The following XPNPEP3 variants were observed in gnomAD, a reference collection of about 807,000 sequenced individuals.
XPNPEP3 encodes X-prolyl aminopeptidase 3.
A neutral mutation model predicts 60.0 loss-of-function variants in XPNPEP3; 41 were observed. That is an observed-to-expected ratio of 0.68 (90% CI 0.53 to 0.89). The LOEUF (loss-of-function observed/expected upper bound fraction) is 0.89. XPNPEP3 is among the 40% of genes least tolerant of loss of function. The probability of loss-of-function intolerance (pLI) is 0.00; values close to 1 mark genes in which losing one functional copy is unlikely to be tolerated. For missense variants in XPNPEP3, 598 were observed against 638.9 expected (o/e 0.94, Z 0.69); for synonymous variants, 212 against 223.2 (o/e 0.95, Z 0.45).
At chr22:40,921,977 C>CT (rs931884267) in intron 7 of XPNPEP3, among the ~76,000 whole-genome samples, 5 of 149,702 alleles carry the variant, frequency 3.3e-5, no homozygotes, top group Non-Finnish European at 7.4e-5. Flanking sequence ...GCTTTCTTGC[C>CT]TTTTTTTTTA....
chr22:40,868,125 A>C (rs1034808890), intron 1 of XPNPEP3, among the ~76,000 whole-genome samples: 8 of 152,304 alleles, frequency 5.3e-5, no homozygotes, highest in African/African-American at 1.9e-4. Context: ...ATGTGCAAAG[A>C]ATTTTTTAAT....
intron 1 of XPNPEP3, among the ~76,000 whole-genome samples, chr22:40,864,938 C>G (rs1259014908): frequency 1.3e-5 from 2 of 152,166 alleles, no homozygotes; most frequent in East Asian, 3.8e-4. Context: ...GCCTCTGACA[C>G]TATGATACAG....
rs562177135 is a variant in XPNPEP3, at chr22:40,857,305, C to T, written c.64+60C>T. The T allele has an allele frequency of 9.8e-5, 156 of 1,590,500 alleles. 5 individuals are homozygous for T. In the South Asian group the frequency reaches 1.7e-3, roughly 18 times the overall value. ...GTCCCCTGGAGGGACCCAAGTTGGT[C>T]TCAGGCGATCCCTGGTTCGGCTGAC... On this transcript the variant is annotated intron_variant, in intron 1 of 9. Coordinates refer to ENST00000357137, the MANE Select transcript of XPNPEP3 (RefSeq NM_022098.4).
chr22:40,881,150 A>G (rs1254818004), intron 2 of XPNPEP3, among the ~76,000 whole-genome samples: 2 of 151,762 alleles, frequency 1.3e-5, no homozygotes, highest in Non-Finnish European at 2.9e-5. Flanking sequence ...GGTTCAAGCG[A>G]TTCTCCTGCC....
intron 2 of XPNPEP3, among the ~76,000 whole-genome samples, chr22:40,873,740 T>A (rs530499677): frequency 6.6e-6 from 1 of 152,162 alleles, no homozygotes; most frequent in African/African-American, 2.4e-5. Context: ...AAGGCTGCAG[T>A]CAGCTGAGAT....
At position 40,902,071 on chromosome 22, in the gene XPNPEP3, C is replaced by CTTTTTTT. The variant is rs748080226; in HGVS notation, c.793-5503_793-5497dup. On this transcript the variant is annotated intron_variant, in intron 4 of 9. Transcript: ENST00000357137. ...TTCTAAACATTCCTTACTTTTCCTT[C>CTTTTTTT]TTTTTTTTTTTTTTTTTTTGAGATG... 1.2e-3 allele frequency among the ~76,000 whole-genome samples: 154 copies of CTTTTTTT among 127,612 alleles called. 9 individuals carry two copies. Among genetic ancestry groups the CTTTTTTT allele is most frequent in the African/African-American group, 4.7e-3 (150 of 31,660 alleles). The allele number at this position is 127,612 out of a possible 152,430, so 83.7% of individuals were successfully genotyped here.
Position 40,928,984 on chromosome 22 carries a change from C to G in XPNPEP3, c.*2549C>G, listed in dbSNP as rs535637957. On this transcript the variant is annotated 3_prime_UTR_variant, in exon 10 of 10. Coordinates refer to ENST00000357137, the MANE Select transcript of XPNPEP3 (RefSeq NM_022098.4). Reference sequence around the variant, plus strand: ...GAGGCTGCACAGCTGGAGTCTCCATCCCCCATACCCACCTTCCCACCTCCC... The same window carrying G: ...GAGGCTGCACAGCTGGAGTCTCCATGCCCCATACCCACCTTCCCACCTCCC... The G allele has an allele frequency of 6.6e-6, 1 of 152,126 alleles. No homozygotes were observed. The highest frequency in any genetic ancestry group is 2.1e-4 in the South Asian group (1 of 4,834). The allele number at this position is 152,126 out of a possible 1,614,324, so 9.4% of individuals were successfully genotyped here. A position where few individuals can be genotyped will look rare whatever the true frequency, so the allele number is the denominator to read the frequency against.
chr22:40,916,221 A>G (rs2058195549), intron 7 of XPNPEP3, among the ~76,000 whole-genome samples: 1 of 151,734 alleles, frequency 6.6e-6, no homozygotes, highest in Admixed American at 6.6e-5. Context: ...GAACCGGGAA[A>G]GGGGAGGTTG....
At chr22:40,897,910 T>A (rs1486917036) in intron 4 of XPNPEP3, among the ~76,000 whole-genome samples, 18 of 152,184 alleles carry the variant, frequency 1.2e-4, no homozygotes. Flanking sequence ...GTTCAGTTCC[T>A]TTGCCCATTT....
chr22:40,862,573 A>G, intron 1 of XPNPEP3: 1 of 985,484 alleles, frequency 1.0e-6, no homozygotes, highest in Non-Finnish European at 1.2e-6. Flanking sequence ...TGATGAGAGG[A>G]AGTACTGGAT....
intron 6 of XPNPEP3, among the ~76,000 whole-genome samples, chr22:40,910,993 C>T (rs887488257): frequency 7.2e-5 from 11 of 152,094 alleles, no homozygotes; most frequent in Admixed American, 3.9e-4. Flanking sequence ...GGTGACAGAG[C>T]GAGACTCCGT....
intron 1 of XPNPEP3, among the ~76,000 whole-genome samples, chr22:40,865,580 G>A (rs1008856278): frequency 1.3e-5 from 2 of 151,366 alleles, no homozygotes; most frequent in African/African-American, 4.9e-5. Flanking sequence ...CACTTGCCTC[G>A]GCCTCCCAAA....
At chr22:40,867,319 C>T (rs562506394) in intron 1 of XPNPEP3, among the ~76,000 whole-genome samples, 2 of 152,234 alleles carry the variant, frequency 1.3e-5, no homozygotes, top group South Asian at 2.1e-4. Context: ...TCCCCCTTGC[C>T]GCTCACTAGG....
rs138353 is a variant in XPNPEP3, at chr22:40,873,098, CTTTTTTTTTTT to C, written c.181+3998_181+4008del. On this transcript the variant is annotated intron_variant, in intron 2 of 9. Transcript: ENST00000357137. ...TTGTTTTCTTTTTCTTTTTCTTTTT[CTTTTTTTTTTT>C]TTTTTTTTTTTTTTGAGACAGAGTC... Among the ~76,000 whole-genome samples the C allele has an allele frequency of 1.8e-4, 16 of 88,504 alleles. No individual in the cohort carries two copies. In the Admixed American group the frequency reaches 2.3e-3, roughly 13 times the overall value. 58.1% of individuals were successfully genotyped at this position (88,504 alleles called of 152,430 possible).
rs765730340 is a variant in XPNPEP3 at position 40,861,559 on chromosome 22, T to C, written c.64+4314T>C. On this transcript the variant is annotated intron_variant, in intron 1 of 9. Transcript: ENST00000357137. ...TCATATGAAGAAAATTTCTCAAAAA[T>C]TGGATATTCACTGGCAGTGGAGAAA... The C allele has an allele frequency of 1.2e-6, 2 of 1,613,474 alleles. No homozygotes were observed. The highest frequency in any genetic ancestry group is 1.7e-6 in the Non-Finnish European group (2 of 1,179,838).
intron 1 of XPNPEP3, 96 bp downstream of exon 1, chr22:40,857,341 G>T: frequency 7.3e-7 from 1 of 1,378,380 alleles, no homozygotes; most frequent in Non-Finnish European, 1.0e-6. Context: ...CCTTCTCCTG[G>T]TGGGGCCTCC....
rs189092387 is a variant in XPNPEP3, at chr22:40,895,192, A to G, written c.792+8677A>G. ...CCTAGGAGGAAAAGACTACTTGCTCATGAATCTGATGATTCTTTCACATAG... is the reference window on the plus strand; with the variant it reads ...CCTAGGAGGAAAAGACTACTTGCTCGTGAATCTGATGATTCTTTCACATAG... On this transcript the variant is annotated intron_variant, in intron 4 of 9. Coordinates refer to ENST00000357137, the MANE Select transcript of XPNPEP3 (RefSeq NM_022098.4). 2.8e-4 allele frequency among the ~76,000 whole-genome samples: 42 copies of G among 152,280 alleles called. 1 individual carries two copies. The highest frequency in any genetic ancestry group is 3.4e-3 in the Middle Eastern group (1 of 294).
At chr22:40,873,098 C>CTTTTTTTTTTTTTTTTTTTT (rs138353) in intron 2 of XPNPEP3, among the ~76,000 whole-genome samples, 7 of 88,504 alleles carry the variant, frequency 7.9e-5, no homozygotes, top group Non-Finnish European at 1.1e-4. Flanking sequence ...TTTTCTTTTT[C>CTTTTTTTTTTTTTTTTTTTT]TTTTTTTTTT....
intron 1 of XPNPEP3, 28 bp downstream of exon 1, chr22:40,857,273 C>A: frequency 6.2e-7 from 1 of 1,613,350 alleles, no homozygotes; most frequent in Non-Finnish European, 8.5e-7. Flanking sequence ...CGGTCTCCTC[C>A]CATGGTGTCC....
Sources: gnomAD v4.1 joint callset for allele counts (sites outside exome capture counted in the v4.1 genomes callset) on GRCh38, gnomAD v4.1.1 for gene constraint, MANE v1.5 for transcripts, NCBI Gene and HGNC (gene_info 2026-07-23, HGNC 2026-07-21) for gene names.